The following ABI3BP variants were observed in gnomAD, a reference collection of about 807,000 sequenced individuals.
ABI3BP encodes ABI family member 3 binding protein.
ABI3BP carries 216 observed loss-of-function variants against 268.6 expected under a neutral mutation model. That is an observed-to-expected ratio of 0.80 (90% CI 0.72 to 0.90). The LOEUF (loss-of-function observed/expected upper bound fraction) is 0.90, where lower values mean the gene tolerates loss of function less well. Ranked by LOEUF, ABI3BP falls within the 40% of genes least tolerant of loss-of-function variation. ABI3BP has a pLI of 0.00. For synonymous variants in ABI3BP, 730 were observed against 730.0 expected (o/e 1.00, Z 0.00); for missense variants, 2,090 against 2,182.4 (o/e 0.96, Z 0.84).
chr3:100,955,916 G>C (rs1316123891), intron 1 of ABI3BP, among the ~76,000 whole-genome samples: 3 of 152,072 alleles, frequency 2.0e-5, no homozygotes. Flanking sequence ...GGCCAGGCAT[G>C]GGGGCTCACA....
In ABI3BP at chr3:100,816,056, T is replaced by C; in HGVS notation, c.3230-85A>G. On this transcript the variant is annotated intron_variant, in intron 43 of 67. Transcript: ENST00000471714. ...CAATTTTTATTTTAAAACATGAGTTTCAAATGATACACAATTTTTTAAAAC... is the reference window on the plus strand; with the variant it reads ...CAATTTTTATTTTAAAACATGAGTTCCAAATGATACACAATTTTTTAAAAC... 3 of 1,038,788 alleles carry C rather than the reference T, an allele frequency of 2.9e-6. No individual in the cohort carries two copies. The South Asian group carries it at 4.9e-5, about 17-fold the overall frequency. The allele number at this position is 1,038,788 out of a possible 1,614,324, so 64.3% of individuals were successfully genotyped here. A position where few individuals can be genotyped will look rare whatever the true frequency, so the allele number is the denominator to read the frequency against.
chr3:100,838,223 T>G lies in ABI3BP; in HGVS notation c.2070A>C (p.Pro690=), dbSNP rs1226548079. The G allele has an allele frequency of 6.5e-7, 1 of 1,536,134 alleles. No homozygotes were observed. The highest frequency in any genetic ancestry group is 8.7e-7 in the Non-Finnish European group (1 of 1,146,638). The change falls in exon 26 of 68, where the codon CCA becomes CCC. Residue 690 remains proline, a synonymous_variant. Coordinates refer to ENST00000471714, the MANE Select transcript of ABI3BP (RefSeq NM_001375547.2). ...AATTATGTTTACCGGATTTAGTTGG[T>G]GGCATGTCTGGTTCTGCTGTGGTTT... ...KPQTTAEPDM[P]PTKSVSEPVP...
intron 6 of ABI3BP, among the ~76,000 whole-genome samples, chr3:100,883,546 C>T (rs909120276): frequency 1.3e-5 from 2 of 152,152 alleles, no homozygotes; most frequent in Admixed American, 1.3e-4. Context: ...GAAACTACTG[C>T]TTTATCAGCA....
chr3:100,926,372 A>G lies in ABI3BP; in HGVS notation c.189T>C (p.Tyr63=), dbSNP rs201578592. The G allele has an allele frequency of 3.1e-4, 499 of 1,613,562 alleles. 7 individuals are homozygous for G. In the South Asian group the frequency reaches 3.6e-3, roughly 12 times the overall value. ...NVKLEGLLLG[Y]GSNVSPNQYF... ...ACTGGTTTGGTGATACATTGCTGCC[A>G]TATCCCAGGAGAAGACCTTCAAGCT... is the stretch of plus-strand genomic sequence containing the variant. Residue 63 remains tyrosine (Y), a synonymous_variant, in exon 2 of 68, where the codon TAT becomes TAC. Transcript: ENST00000471714.
At chr3:100,835,723 G>T in intron 27 of ABI3BP, 63 bp from the exon 28 acceptor site, 1 of 1,283,096 alleles carries the variant, frequency 7.8e-7, no homozygotes, top group Non-Finnish European at 1.1e-6. Flanking sequence ...AAGTTATTTT[G>T]AAAATGAATC....
At chr3:100,831,116 G>A (rs2098484588) in intron 31 of ABI3BP, among the ~76,000 whole-genome samples, 1 of 152,122 alleles carries the variant, frequency 6.6e-6, no homozygotes, top group Admixed American at 6.6e-5. Flanking sequence ...TTCTGCCTCT[G>A]GTGTTAACAC....
chr3:100,843,970 A>G, intron 20 of ABI3BP: 1 of 985,074 alleles, frequency 1.0e-6, no homozygotes, highest in Non-Finnish European at 1.2e-6. Context: ...GTTTGAGACC[A>G]AATAGGGATA....
In ABI3BP at chr3:100,911,946, T is replaced by C. The variant is rs569103783; in HGVS notation, c.260-9260A>G. On this transcript the variant is annotated intron_variant, in intron 2 of 67. Coordinates refer to ENST00000471714, the MANE Select transcript of ABI3BP (RefSeq NM_001375547.2). ...GGAGAATATTTTCTTCAGTGCTTGC[T>C]CATTTACTTCACTTGAGGAATTATA... is the stretch of plus-strand genomic sequence containing the variant. 274 of 994,896 alleles carry C rather than the reference T, an allele frequency of 2.8e-4. No individual in the cohort carries two copies. The African/African-American group carries it at 3.6e-3, about 13-fold the overall frequency. The allele number at this position is 994,896 out of a possible 1,614,324, so 61.6% of individuals were successfully genotyped here. A position where few individuals can be genotyped will look rare whatever the true frequency, so the allele number is the denominator to read the frequency against.
chr3:100,866,339 T>C lies in ABI3BP; in HGVS notation c.988+540A>G, dbSNP rs182350453. On this transcript the variant is annotated intron_variant, in intron 10 of 67. Transcript: ENST00000471714. Reference sequence around the variant, plus strand: ...AGAGATGCTGAATGTTTGTTAGTAATGGTGACAAACTATGGAGAAAATGCT... The same window carrying C: ...AGAGATGCTGAATGTTTGTTAGTAACGGTGACAAACTATGGAGAAAATGCT... Among the ~76,000 whole-genome samples, 409 of 152,302 alleles carry C rather than the reference T, an allele frequency of 2.7e-3. 3 individuals carry two copies. Among genetic ancestry groups the C allele is most frequent in the Non-Finnish European group, 3.7e-3 (255 of 68,016 alleles).
intron 51 of ABI3BP, among the ~76,000 whole-genome samples, chr3:100,800,326 TA>T (rs1276481003): frequency 1.2e-4 from 18 of 152,294 alleles, no homozygotes; most frequent in Admixed American, 2.0e-4. Context: ...CACACAATTT[TA>T]ATGTCTCCTA....
At chr3:100,790,149 C>G (rs2097159344) in intron 55 of ABI3BP, among the ~76,000 whole-genome samples, 1 of 151,882 alleles carries the variant, frequency 6.6e-6, no homozygotes, top group South Asian at 2.1e-4. Context: ...ATCCCTGGGC[C>G]AATTATCCAG....
intron 2 of ABI3BP, among the ~76,000 whole-genome samples, chr3:100,915,767 C>A (rs1259534494): frequency 6.6e-6 from 1 of 152,204 alleles, no homozygotes; most frequent in Non-Finnish European, 1.5e-5. Context: ...GAAGCCAGCC[C>A]TGACCCTTCC....
At position 100,749,809 on chromosome 3, in the gene ABI3BP, G is replaced by GTATC. The variant is rs1300172414; in HGVS notation, c.*682_*685dup. ...TGTAACATTTATGGTGGGTAAAAATGTATCTTTTGAAACAATATATTAGAC... is the reference window on the plus strand; with the variant it reads ...TGTAACATTTATGGTGGGTAAAAATGTATCTATCTTTTGAAACAATATATTAGAC... On this transcript the variant is annotated 3_prime_UTR_variant, in exon 68 of 68. Coordinates refer to ENST00000471714, the MANE Select transcript of ABI3BP (RefSeq NM_001375547.2). The GTATC allele has an allele frequency of 1.5e-5, 6 of 397,406 alleles. No homozygotes were observed. The highest frequency in any genetic ancestry group is 1.2e-4 in the African/African-American group (6 of 48,542). The allele number at this position is 397,406 out of a possible 1,614,324, so 24.6% of individuals were successfully genotyped here. A position where few individuals can be genotyped will look rare whatever the true frequency, so the allele number is the denominator to read the frequency against.
chr3:100,876,588 T>C, intron 6 of ABI3BP, 28 bp from the exon 7 acceptor site: 1 of 1,601,950 alleles, frequency 6.2e-7, no homozygotes, highest in African/African-American at 1.3e-5. Flanking sequence ...AAGTCAACTT[T>C]TGAGTCATTG....
At chr3:100,845,807 A>G (rs1039128310) in intron 20 of ABI3BP, among the ~76,000 whole-genome samples, 5 of 150,918 alleles carry the variant, frequency 3.3e-5, no homozygotes, top group South Asian at 2.1e-4. Context: ...GTCTTAAATT[A>G]TTATATATAT....
chr3:100,802,981 A>C (rs1296522143), intron 51 of ABI3BP, among the ~76,000 whole-genome samples: 1 of 146,386 alleles, frequency 6.8e-6, no homozygotes, highest in Admixed American at 6.8e-5. Flanking sequence ...AATGTGTTTG[A>C]ACACTTCTGA....
intron 14 of ABI3BP, among the ~76,000 whole-genome samples, chr3:100,858,431 TC>T (rs1394055136): frequency 6.6e-6 from 1 of 152,148 alleles, no homozygotes; most frequent in East Asian, 1.9e-4. Context: ...AAATATTCTG[TC>T]CCCTGGTTGC....
intron 34 of ABI3BP, 73 bp downstream of exon 34, chr3:100,828,320 T>C: frequency 7.4e-7 from 1 of 1,350,468 alleles, no homozygotes. Flanking sequence ...TGTAATTGAA[T>C]GGCAATATAC....
intron 2 of ABI3BP, among the ~76,000 whole-genome samples, chr3:100,904,635 A>G (rs1041273985): frequency 1.3e-5 from 2 of 152,230 alleles, no homozygotes; most frequent in Non-Finnish European, 2.9e-5. Flanking sequence ...AGATGCAGAA[A>G]AAAGGCAATG....
Sources: gnomAD v4.1 joint callset for allele counts (sites outside exome capture counted in the v4.1 genomes callset) on GRCh38, gnomAD v4.1.1 for gene constraint, MANE v1.5 for transcripts, NCBI Gene and HGNC (gene_info 2026-07-23, HGNC 2026-07-21) for gene names.